GMPR: variants seen among roughly 807,000 people sequenced by gnomAD.
The protein encoded by GMPR is guanosine monophosphate reductase.
Under a neutral mutation model 38.4 loss-of-function variants are expected in GMPR, and 31 were observed. That is an observed-to-expected ratio of 0.81 (90% CI 0.61 to 1.09). GMPR has a LOEUF of 1.09. Ranked by LOEUF, GMPR falls within the 50% of genes least tolerant of loss-of-function variation. GMPR has a pLI of 0.00. For missense variants in GMPR, 468 were observed against 453.7 expected, an observed-to-expected ratio of 1.03 and a Z score of -0.29; for synonymous variants, 162 against 173.3, an observed-to-expected ratio of 0.93 and a Z score of 0.51.
chr6:16,255,006 A>C (rs949571975), intron 4 of GMPR, among the ~76,000 whole-genome samples: 11 of 151,100 alleles, frequency 7.3e-5, no homozygotes, highest in African/African-American at 2.4e-4. Flanking sequence ...TTACTATCTG[A>C]TACTTTTTCT....
chr6:16,276,660 CA>C (rs1406537232), intron 5 of GMPR, among the ~76,000 whole-genome samples: 1 of 152,132 alleles, frequency 6.6e-6, no homozygotes, highest in Non-Finnish European at 1.5e-5. Context: ...TCTCTGAGCC[CA>C]ATGCATGGGA....
At chr6:16,274,389 C>T (rs1411692908) in intron 4 of GMPR, 26 bp from the exon 5 acceptor site, 2 of 1,399,328 alleles carry the variant, frequency 1.4e-6, no homozygotes, top group Admixed American at 1.7e-5. Flanking sequence ...AGTTCATGAT[C>T]ATCAGCTGTA....
chr6:16,243,189 C>T (rs1758682444), intron 1 of GMPR, among the ~76,000 whole-genome samples: 1 of 152,224 alleles, frequency 6.6e-6, no homozygotes. Flanking sequence ...TGGGGAAACA[C>T]TCCAAAATAC....
chr6:16,294,791 G>A (rs906098884), intron 8 of GMPR, among the ~76,000 whole-genome samples: 12 of 152,210 alleles, frequency 7.9e-5, no homozygotes, highest in African/African-American at 2.9e-4. Context: ...CCAGCAATGA[G>A]CCCGTGCCCT....
At chr6:16,246,074 G>C (rs879619653) in intron 1 of GMPR, among the ~76,000 whole-genome samples, 1 of 152,248 alleles carries the variant, frequency 6.6e-6, no homozygotes, top group Admixed American at 6.5e-5. Flanking sequence ...TGGGTGGGCA[G>C]ACAGGCTGGC....
rs1491238570 is a variant in GMPR at position 16,293,039 on chromosome 6, TTA to T, written c.858-1966_858-1965del. On this transcript the variant is annotated intron_variant, in intron 8 of 8. Transcript: ENST00000259727. ...GAGTCTCTCTCTCTCTCTCTCTCTC[TTA>T]GTTTTCAGCCCGTGACCATGATCTT... Among the ~76,000 whole-genome samples, 20 of 151,768 alleles carry T rather than the reference TTA, an allele frequency of 1.3e-4. No homozygotes were observed. In the East Asian group the frequency reaches 3.3e-3, roughly 25 times the overall value.
At chr6:16,239,281 C>T (rs1174387644) in intron 1 of GMPR, among the ~76,000 whole-genome samples, 1 of 152,208 alleles carries the variant, frequency 6.6e-6, no homozygotes, top group African/African-American at 2.4e-5. Context: ...TCAGGGTTTC[C>T]TTTCTGAGTT....
chr6:16,274,638 T>C (rs1759444842), intron 5 of GMPR, 142 bp downstream of exon 5: 1 of 612,044 alleles, frequency 1.6e-6, no homozygotes, highest in Non-Finnish European at 2.9e-6. Flanking sequence ...GGAAGCATAA[T>C]TGAGCTTCTC....
rs929875121 is a variant in GMPR, at chr6:16,288,633, G to C, written c.698-1829G>C. On this transcript the variant is annotated intron_variant, in intron 7 of 8. Coordinates refer to ENST00000259727, the MANE Select transcript of GMPR (RefSeq NM_006877.4). ...GTCCCGTCAACCATGCAAGGGCTGA[G>C]GAGTGCAGGCGCAGGGCGTGGGACT... Among the ~76,000 whole-genome samples, 7 of 152,378 alleles carry C rather than the reference G, an allele frequency of 4.6e-5. No individual in the cohort carries two copies. In the East Asian group the frequency reaches 1.3e-3, roughly 29 times the overall value.
At chr6:16,263,610 G>T (rs533997432) in intron 4 of GMPR, among the ~76,000 whole-genome samples, 2 of 151,770 alleles carry the variant, frequency 1.3e-5, no homozygotes, top group East Asian at 1.9e-4. Flanking sequence ...TAAGAGGTCG[G>T]GTTGCAGAGA....
At chr6:16,255,015 CTTTT>C (rs779608663) in intron 4 of GMPR, among the ~76,000 whole-genome samples, 2 of 143,976 alleles carry the variant, frequency 1.4e-5, no homozygotes, top group African/African-American at 5.1e-5. Context: ...GATACTTTTT[CTTTT>C]TTTTTTTTTG....
At chr6:16,261,323 G>T (rs1161736468) in intron 4 of GMPR, among the ~76,000 whole-genome samples, 3 of 152,002 alleles carry the variant, frequency 2.0e-5, no homozygotes, top group Non-Finnish European at 4.4e-5. Context: ...AGAAAATTTG[G>T]GCTTGACTGA....
intron 6 of GMPR, among the ~76,000 whole-genome samples, chr6:16,281,318 G>A (rs759132981): frequency 2.0e-5 from 3 of 152,070 alleles, no homozygotes; most frequent in African/African-American, 7.2e-5. Context: ...ATACGCTGGC[G>A]GGGTGAGTGT....
chr6:16,249,511 A>G (rs1372724446), intron 2 of GMPR, among the ~76,000 whole-genome samples: 1 of 152,136 alleles, frequency 6.6e-6, no homozygotes, highest in Non-Finnish European at 1.5e-5. Flanking sequence ...TTAAATAGAC[A>G]TGGGGTCTTG....
intron 7 of GMPR, among the ~76,000 whole-genome samples, chr6:16,286,910 AT>A (rs1288401439): frequency 4.6e-5 from 7 of 152,194 alleles, no homozygotes; most frequent in Non-Finnish European, 7.4e-5. Flanking sequence ...TCTCAAAAAA[AT>A]ATAAAAAATA....
intron 8 of GMPR, among the ~76,000 whole-genome samples, chr6:16,293,022 C>A (rs1258764985): frequency 6.6e-6 from 1 of 152,072 alleles, no homozygotes; most frequent in Non-Finnish European, 1.5e-5. Flanking sequence ...CTGAGTCTCT[C>A]TCTCTCTCTC....
At chr6:16,289,812 C>G (rs961869019) in intron 7 of GMPR, 1 of 133,874 alleles carries the variant, frequency 7.5e-6, no homozygotes, top group African/African-American at 2.8e-5. Context: ...GCATTAAGTA[C>G]AAGATTAGGT....
At chr6:16,248,073 A>T (rs1037278344) in intron 2 of GMPR, among the ~76,000 whole-genome samples, 18 of 151,758 alleles carry the variant, frequency 1.2e-4, no homozygotes, top group South Asian at 2.1e-4. Flanking sequence ...CTACAAAAAA[A>T]TATGAAAATT....
chr6:16,285,017 C>CAAAAAAAAAAAAAAAAA (rs1230598044), intron 6 of GMPR, among the ~76,000 whole-genome samples: 1 of 35,094 alleles, frequency 2.8e-5, no homozygotes, highest in African/African-American at 1.1e-4. Context: ...GAGACTGTCT[C>CAAAAAAAAAAAAAAAAA]AAAAAAAAAA....
Sources: allele counts gnomAD v4.1 joint callset (sites outside exome capture counted in the v4.1 genomes callset), GRCh38; gene constraint gnomAD v4.1.1; transcripts MANE v1.5; gene names NCBI Gene and HGNC (gene_info 2026-07-23, HGNC 2026-07-21).